Variants in RHBDL2 observed in about 807,000 individuals in gnomAD.
RHBDL2 encodes the protein rhomboid like 2, also known as rhomboid-related protein 2.
A neutral mutation model predicts 31.7 loss-of-function variants in RHBDL2; 26 were observed. That is an observed-to-expected ratio of 0.82 (90% CI 0.60 to 1.14). The LOEUF (loss-of-function observed/expected upper bound fraction) is 1.14. Among genes scored for constraint, RHBDL2 ranks in the 50% most tolerant of loss-of-function variants. RHBDL2 has a pLI of 0.00. For synonymous variants in RHBDL2, 123 were observed against 127.2 expected (o/e 0.97, Z 0.22); for missense variants, 336 against 364.4 (o/e 0.92, Z 0.63).
chr1:38,906,372 G>A (rs12092497), intron 4 of RHBDL2, among the ~76,000 whole-genome samples: 3,070 of 152,084 alleles, frequency 0.02, 98 homozygotes, highest in African/African-American at 0.07. Flanking sequence ...AAGGTTGCAA[G>A]GTATAAGAAT....
intron 1 of RHBDL2, among the ~76,000 whole-genome samples, chr1:38,927,359 G>A (rs2094081): frequency 0.057 from 8,606 of 152,194 alleles, 892 homozygotes; most frequent in East Asian, 0.46. Context: ...CCTGGGAGGC[G>A]GAGGTTGCGG....
At chr1:38,896,645 T>C (rs1430846930) in intron 4 of RHBDL2, among the ~76,000 whole-genome samples, 1 of 152,216 alleles carries the variant, frequency 6.6e-6, no homozygotes, top group Non-Finnish European at 1.5e-5. Flanking sequence ...CTAATAGCTA[T>C]CTTTCTCAAT....
In RHBDL2 at chr1:38,915,606, C is replaced by T. The variant is rs1012723375; in HGVS notation, c.351G>A (p.Arg117=). The T allele has an allele frequency of 5.0e-6, 8 of 1,614,026 alleles. No homozygotes were observed. The Admixed American group carries it at 8.3e-5, about 17-fold the overall frequency. The change falls in exon 3 of 8, where the codon AGG becomes AGA. Residue 117 remains arginine (R), a synonymous_variant. Coordinates refer to ENST00000372990, the MANE Select transcript of RHBDL2 (RefSeq NM_017821.5). The stretch of plus-strand genomic sequence containing the variant: ...ATGAGATAAACCTCCAGGCTTCCTC[C>T]CTCTTCTCAGGACTGTAGATAAAGG... ...ESPFIYSPEK[R]EEAWRFISYM... is the part of the protein sequence containing the mutation.
intron 6 of RHBDL2, 25 bp from the exon 7 acceptor site, chr1:38,888,049 A>C (rs1642808825): frequency 6.4e-7 from 1 of 1,558,938 alleles, no homozygotes; most frequent in Non-Finnish European, 8.8e-7. Context: ...ACCCTGATAA[A>C]GGCTCAGAAT....
At chr1:38,917,017 CTT>C (rs547654933) in intron 2 of RHBDL2, among the ~76,000 whole-genome samples, 2 of 119,886 alleles carry the variant, frequency 1.7e-5, no homozygotes. Flanking sequence ...CAGGAACTTT[CTT>C]TTTTTTTTTT....
At chr1:38,898,405 T>G (rs911758906) in intron 4 of RHBDL2, among the ~76,000 whole-genome samples, 1 of 152,246 alleles carries the variant, frequency 6.6e-6, no homozygotes, top group Non-Finnish European at 1.5e-5. Flanking sequence ...ATGAGAAATT[T>G]ATTTTTAAAA....
intron 6 of RHBDL2, 53 bp from the exon 7 acceptor site, chr1:38,888,077 A>G: frequency 7.9e-7 from 1 of 1,260,550 alleles, no homozygotes; most frequent in Non-Finnish European, 1.1e-6. Flanking sequence ...GTAGTACACC[A>G]AATGTTTTTG....
intron 2 of RHBDL2, among the ~76,000 whole-genome samples, chr1:38,917,280 G>A (rs1345109028): frequency 1.3e-5 from 2 of 152,032 alleles, no homozygotes; most frequent in Non-Finnish European, 2.9e-5. Flanking sequence ...GCCTCCCAAA[G>A]TGCTGGGATT....
chr1:38,912,906 ATATATGTGTG>A (rs1476719609), intron 3 of RHBDL2, among the ~76,000 whole-genome samples: 27 of 34,122 alleles, frequency 7.9e-4, no homozygotes, highest in African/African-American at 1.9e-3. Context: ...ATATATATAT[ATATATGTGTG>A]TGTGTGTGTG....
chr1:38,925,141 T>C (rs1171449901), intron 1 of RHBDL2, among the ~76,000 whole-genome samples: 1 of 152,076 alleles, frequency 6.6e-6, no homozygotes, highest in African/African-American at 2.4e-5. Context: ...AAGAGATTTT[T>C]CCAGACCTTT....
intron 4 of RHBDL2, among the ~76,000 whole-genome samples, chr1:38,898,245 A>G (rs913484218): frequency 1.3e-5 from 2 of 152,202 alleles, no homozygotes; most frequent in African/African-American, 4.8e-5. Context: ...CAGAGGTTGC[A>G]GGGAGCTGAG....
rs761915023 is a variant in RHBDL2 at position 38,915,690 on chromosome 1, A to G, written c.267T>C (p.Tyr89=). The G allele has an allele frequency of 1.9e-6, 3 of 1,614,038 alleles. No individual in the cohort carries two copies. The highest frequency in any genetic ancestry group is 2.7e-5 in the African/African-American group (2 of 74,916). ...ACTGTTTCTGAGGCTTCCACACAGC[A>G]TAGTAAATAAACACTGCCAGCTGAT... The part of the protein sequence containing the change: ...SLAELAVFIY[Y]AVWKPQKQWI... The change falls in exon 3 of 8, where the codon TAT becomes TAC. Residue 89 remains tyrosine (Y), a synonymous_variant. Coordinates refer to ENST00000372990, the MANE Select transcript of RHBDL2 (RefSeq NM_017821.5).
Position 38,896,009 on chromosome 1 carries a change from A to T in RHBDL2, c.569T>A (p.Val190Asp). ...AAAATAGCCTCCCATCAGAGCATAG[A>T]CTCCTCCTGAAGCTCCCACAAGATA... ...LRYLVGASGG[V>D]YALMGGYFMN... is the part of the protein sequence containing the mutation. Residue 190 changes from valine (V) to aspartate (D), a missense_variant, in exon 5 of 8, where the codon GTC (valine) becomes GAC (aspartate). Val to Asp is a radical substitution (Grantham distance 152). Coordinates refer to ENST00000372990, the MANE Select transcript of RHBDL2 (RefSeq NM_017821.5). 2 of 1,613,870 alleles carry T rather than the reference A, an allele frequency of 1.2e-6. No homozygotes were observed. The highest frequency in any genetic ancestry group is 1.7e-6 in the Non-Finnish European group (2 of 1,179,882).
chr1:38,926,050 T>C (rs1557622084), intron 1 of RHBDL2: 1 of 1,253,108 alleles, frequency 8.0e-7, no homozygotes. Context: ...TCTTGGGGAA[T>C]TTATCTTCTC....
At chr1:38,902,476 G>A (rs901229139) in intron 4 of RHBDL2, among the ~76,000 whole-genome samples, 10 of 146,954 alleles carry the variant, frequency 6.8e-5, no homozygotes, top group African/African-American at 2.5e-4. Context: ...CTGGAGTACA[G>A]TGGCGCAATC....
intron 1 of RHBDL2, among the ~76,000 whole-genome samples, chr1:38,921,644 C>A (rs1311152266): frequency 3.9e-5 from 6 of 152,202 alleles, no homozygotes; most frequent in African/African-American, 1.4e-4. Flanking sequence ...TCTTATTTTT[C>A]TTTTCCCCAG....
In RHBDL2 at chr1:38,931,709, A is replaced by G. The variant is rs553781202; in HGVS notation, c.-126+9973T>C. Reference sequence around the variant, plus strand: ...TGGAAACACATGGGAAAAAAAAAAAAGAAAGAAAGAAAAGGAAACCACCTC... The same window carrying G: ...TGGAAACACATGGGAAAAAAAAAAAGGAAAGAAAGAAAAGGAAACCACCTC... On this transcript the variant is annotated intron_variant, in intron 1 of 7. Coordinates refer to ENST00000372990, the MANE Select transcript of RHBDL2 (RefSeq NM_017821.5). 2.6e-5 allele frequency among the ~76,000 whole-genome samples: 4 copies of G among 151,752 alleles called. No homozygotes were observed. The East Asian group carries it at 7.7e-4, about 29-fold the overall frequency.
At chr1:38,929,697 C>A (rs1643419726) in intron 1 of RHBDL2, 1 of 532,594 alleles carries the variant, frequency 1.9e-6, no homozygotes, top group South Asian at 8.2e-5. Flanking sequence ...GCCAGGGAGA[C>A]TTTCGGTGGT....
chr1:38,912,883 C>CATATATATATATATAT (rs141150431), intron 3 of RHBDL2, among the ~76,000 whole-genome samples: 36 of 106,594 alleles, frequency 3.4e-4, no homozygotes, highest in African/African-American at 1.6e-3. Flanking sequence ...TACCATATAC[C>CATATATATATATATAT]ATATATATAT....
Sources: allele counts gnomAD v4.1 joint callset (sites outside exome capture counted in the v4.1 genomes callset), GRCh38; gene constraint gnomAD v4.1.1; transcripts MANE v1.5; gene names NCBI Gene and HGNC (gene_info 2026-07-23, HGNC 2026-07-21).